The following ADAM28 variants were observed in gnomAD, a reference collection of about 807,000 sequenced individuals.
ADAM28 encodes disintegrin and metalloproteinase domain-containing protein 28.
A neutral mutation model predicts 101.2 loss-of-function variants in ADAM28; 105 were observed. That is an observed-to-expected ratio of 1.04 (90% CI 0.89 to 1.22). The LOEUF (loss-of-function observed/expected upper bound fraction) is 1.22. ADAM28 is among the 50% of genes most tolerant of loss of function. The pLI is 0.00. For missense variants in ADAM28, 1,028 were observed against 945.4 expected (o/e 1.09, Z -1.15); for synonymous variants, 322 against 310.6 (o/e 1.04, Z -0.39).
intron 8 of ADAM28, among the ~76,000 whole-genome samples, chr8:24,323,057 T>TTA (rs1321474715): frequency 2.0e-5 from 3 of 151,962 alleles, no homozygotes; most frequent in Non-Finnish European, 4.4e-5. Context: ...TGACAGCAAT[T>TTA]TATTGCTCAC....
chr8:24,320,443 C>A, intron 7 of ADAM28, 136 bp downstream of exon 7: 1 of 639,046 alleles, frequency 1.6e-6, no homozygotes, highest in Non-Finnish European at 2.6e-6. Context: ...TCTTCTAAAA[C>A]TATGAAATTT....
rs200883586 is a variant in ADAM28 at position 24,351,969 on chromosome 8, A to G, written c.2179-18A>G. 3.7e-6 allele frequency: 6 copies of G among 1,612,832 alleles called. No individual in the cohort carries two copies. In the Admixed American group the frequency reaches 1.0e-4, roughly 27 times the overall value. ...TGAAACTAATGGTTCATTTTGAAAT[A>G]TTCGTTCTTCTTTTCAGATGAGTCA... On this transcript the variant is annotated intron_variant, in intron 20 of 22. Transcript: ENST00000265769.
At chr8:24,316,060 C>CTATT (rs1563283591) in intron 6 of ADAM28, among the ~76,000 whole-genome samples, 409 of 147,920 alleles carry the variant, frequency 2.8e-3, no homozygotes, top group African/African-American at 4.1e-3. Context: ...ATCATAAAGG[C>CTATT]CATTTATTTA....
At chr8:24,301,408 A>T (rs1301190925) in intron 2 of ADAM28, among the ~76,000 whole-genome samples, 1 of 152,194 alleles carries the variant, frequency 6.6e-6, no homozygotes. Flanking sequence ...CTGTACACCA[A>T]ACCCCCATGA....
chr8:24,304,911 C>T (rs1809346495), intron 2 of ADAM28, among the ~76,000 whole-genome samples: 1 of 139,586 alleles, frequency 7.2e-6, no homozygotes, highest in Admixed American at 7.0e-5. Context: ...AGTGAAACTC[C>T]TTCTCAAAAA....
intron 17 of ADAM28, 83 bp from the exon 18 acceptor site, chr8:24,343,423 G>C (rs1022834123): frequency 3.4e-5 from 47 of 1,399,312 alleles, no homozygotes; most frequent in Non-Finnish European, 4.2e-5. Flanking sequence ...TCCTTTTTCT[G>C]CATGAACTTT....
intron 1 of ADAM28, among the ~76,000 whole-genome samples, chr8:24,299,028 A>G (rs992511519): frequency 1.2e-4 from 18 of 150,024 alleles, no homozygotes; most frequent in Non-Finnish European, 2.4e-4. Flanking sequence ...TACTTCTCTA[A>G]TAGAAAAAAA....
At chr8:24,308,591 T>A (rs1810019864) in intron 2 of ADAM28, 1 of 455,828 alleles carries the variant, frequency 2.2e-6, no homozygotes, top group African/African-American at 2.0e-5. Context: ...CAGTAAGAGG[T>A]TATGACTATT....
At chr8:24,306,918 T>C (rs562357581) in intron 2 of ADAM28, among the ~76,000 whole-genome samples, 3 of 152,196 alleles carry the variant, frequency 2.0e-5, no homozygotes, top group African/African-American at 4.8e-5. Context: ...TCTTGGGTTC[T>C]GCCATATCAC....
In ADAM28 at chr8:24,323,895, A is replaced by G; in HGVS notation, c.782A>G (p.Asp261Gly). The change falls in exon 9 of 23, where the codon GAT becomes GGT. Residue 261 changes from aspartate to glycine, a missense_variant. By Grantham distance (94) the Asp-to-Gly change is moderately conservative (BLOSUM62 -1). Coordinates refer to ENST00000265769, the MANE Select transcript of ADAM28 (RefSeq NM_014265.6). ...LVGMEIWTDK[D>G]KIKITPNASF... Reference sequence around the variant, plus strand: ...GGTATGGAAATCTGGACTGACAAGGATAAGATAAAGATAACCCCAAATGCA... The same window carrying G: ...GGTATGGAAATCTGGACTGACAAGGGTAAGATAAAGATAACCCCAAATGCA... 1 of 1,612,314 alleles carries G rather than the reference A, an allele frequency of 6.2e-7. No homozygotes were observed. The highest frequency in any genetic ancestry group is 8.5e-7 in the Non-Finnish European group (1 of 1,178,856).
chr8:24,349,228 T>C (rs1444877261), intron 18 of ADAM28, among the ~76,000 whole-genome samples: 1 of 152,200 alleles, frequency 6.6e-6, no homozygotes, highest in African/African-American at 2.4e-5. Flanking sequence ...TGGTTTCAGA[T>C]TATTGTAAGA....
intron 4 of ADAM28, 30 bp from the exon 5 acceptor site, chr8:24,311,331 C>A (rs1486270504): frequency 1.3e-6 from 2 of 1,578,378 alleles, no homozygotes; most frequent in Non-Finnish European, 8.6e-7. Flanking sequence ...TTCACATGTA[C>A]TTCTCTTTAC....
At chr8:24,352,712 AAATG>A (rs2129343971) in intron 21 of ADAM28, among the ~76,000 whole-genome samples, 1 of 152,278 alleles carries the variant, frequency 6.6e-6, no homozygotes, top group South Asian at 2.1e-4. Context: ...ATGTACAACT[AAATG>A]AAAGCAATCA....
rs564835727 is a variant in ADAM28, at chr8:24,299,891, T to C, written c.47-83T>C. On this transcript the variant is annotated intron_variant, in intron 1 of 22. Transcript: ENST00000265769. ...GGCTTCTGTGTGTGGCATCGTTCATTGGGAATGCAGTAAGGATGGCCTTTA... is the reference window on the plus strand; with the variant it reads ...GGCTTCTGTGTGTGGCATCGTTCATCGGGAATGCAGTAAGGATGGCCTTTA... 4.1e-4 allele frequency: 389 copies of C among 959,582 alleles called. 2 individuals carry two copies. The African/African-American group carries it at 5.7e-3, about 14-fold the overall frequency. 59.4% of individuals were successfully genotyped at this position (959,582 alleles called of 1,614,324 possible).
chr8:24,301,624 G>T (rs2129238858), intron 2 of ADAM28, among the ~76,000 whole-genome samples: 1 of 152,278 alleles, frequency 6.6e-6, no homozygotes, highest in South Asian at 2.1e-4. Flanking sequence ...GGAGCACATA[G>T]CTTATACGTT....
At chr8:24,308,810 A>G (rs939159893) in intron 2 of ADAM28, 2 of 417,446 alleles carry the variant, frequency 4.8e-6, no homozygotes, top group African/African-American at 4.1e-5. Flanking sequence ...GCTAAATCCC[A>G]GCACGGTGCT....
rs1489348958 is a variant in ADAM28 at position 24,306,355 on chromosome 8, A to AT, written c.151-3539_151-3538insT. Among the ~76,000 whole-genome samples the AT allele has an allele frequency of 1.9e-3, 204 of 107,762 alleles. 10 individuals are homozygous for AT. The highest frequency in any genetic ancestry group is 6.2e-3 in the African/African-American group (159 of 25,672). The allele number at this position is 107,762 out of a possible 152,430, so 70.7% of individuals were successfully genotyped here. A position where few individuals can be genotyped will look rare whatever the true frequency, so the allele number is the denominator to read the frequency against. ...TGAGACTCCATCTCAAATACAAATA[A>AT]ATAAATAAATATATATATATATATA... On this transcript the variant is annotated intron_variant, in intron 2 of 22. Transcript: ENST00000265769.
chr8:24,339,898 G>A (rs1247526718), intron 15 of ADAM28, among the ~76,000 whole-genome samples: 3 of 152,116 alleles, frequency 2.0e-5, no homozygotes, highest in East Asian at 1.9e-4. Context: ...GGATTTCCCA[G>A]TATAAATCAG....
rs1808509603 is a variant in ADAM28 at position 24,300,093 on chromosome 8, TA to T, written c.150+17del. ...AGAGCAACAGGTACAGCTTTTGATT[TA>T]TCAAAGGATCTTGATTTGAGATACA... is the stretch of plus-strand genomic sequence containing the variant. On this transcript the variant is annotated intron_variant, in intron 2 of 22. Coordinates refer to ENST00000265769, the MANE Select transcript of ADAM28 (RefSeq NM_014265.6). 3 of 1,592,750 alleles carry T rather than the reference TA, an allele frequency of 1.9e-6. No homozygotes were observed. The highest frequency in any genetic ancestry group is 2.6e-6 in the Non-Finnish European group (3 of 1,165,458).
Sources: gnomAD v4.1 joint callset for allele counts (sites outside exome capture counted in the v4.1 genomes callset) on GRCh38, gnomAD v4.1.1 for gene constraint, MANE v1.5 for transcripts, NCBI Gene and HGNC (gene_info 2026-07-23, HGNC 2026-07-21) for gene names.